DLGAP2: variants seen among roughly 807,000 people sequenced by gnomAD.
DLGAP2 encodes disks large-associated protein 2.
DLGAP2 carries 26 observed loss-of-function variants against 100.3 expected under a neutral mutation model. The ratio of observed to expected loss-of-function variants is 0.26; its 90% CI spans 0.19 to 0.36. The LOEUF (loss-of-function observed/expected upper bound fraction) is 0.36, where lower values mean the gene tolerates loss of function less well. DLGAP2 is among the 10% of genes least tolerant of loss of function. The pLI is 1.00. For synonymous variants in DLGAP2, 886 were observed against 630.1 expected, an observed-to-expected ratio of 1.41 and a Z score of -6.08; for missense variants, 1,858 against 1,453.2, an observed-to-expected ratio of 1.28 and a Z score of -4.53.
rs147860135 is a variant in DLGAP2, at chr8:926,295, C to T, written c.73+18329C>T. On this transcript the variant is annotated intron_variant, in intron 2 of 14. Coordinates refer to ENST00000637795, the MANE Select transcript of DLGAP2 (RefSeq NM_001346810.2). Reference sequence around the variant, plus strand: ...CTGGCCAGGCCTAAGCCTGCTGGCCCTGCTTTCCCGTTCTTCCTTCCCAGA... The same window carrying T: ...CTGGCCAGGCCTAAGCCTGCTGGCCTTGCTTTCCCGTTCTTCCTTCCCAGA... Among the ~76,000 whole-genome samples the T allele has an allele frequency of 8.5e-5, 13 of 152,320 alleles. No homozygotes were observed. The East Asian group carries it at 2.3e-3, about 27-fold the overall frequency.
chr8:807,296 C>T (rs1796288904), intron 1 of DLGAP2, among the ~76,000 whole-genome samples: 1 of 124,670 alleles, frequency 8.0e-6, no homozygotes, highest in South Asian at 3.1e-4. Flanking sequence ...TTCATACGTT[C>T]TCTCTCCTCT....
At chr8:1,078,910 G>T (rs945834173) in intron 2 of DLGAP2, among the ~76,000 whole-genome samples, 1 of 152,170 alleles carries the variant, frequency 6.6e-6, no homozygotes, top group Non-Finnish European at 1.5e-5. Context: ...ACTCATCCAG[G>T]TAAATAGCAA....
intron 5 of DLGAP2, among the ~76,000 whole-genome samples, chr8:1,564,625 G>T (rs1353425791): frequency 6.6e-6 from 1 of 152,224 alleles, no homozygotes; most frequent in East Asian, 1.9e-4. Flanking sequence ...CCAGGCAGAT[G>T]TATAACATGC....
chr8:1,094,704 C>T (rs764196786), intron 2 of DLGAP2, among the ~76,000 whole-genome samples: 20 of 152,244 alleles, frequency 1.3e-4, no homozygotes, highest in African/African-American at 4.8e-4. Flanking sequence ...GCAGCGGGCA[C>T]AAGAGTGGCT....
intron 10 of DLGAP2, among the ~76,000 whole-genome samples, chr8:1,671,824 G>C (rs1321531689): frequency 6.6e-6 from 1 of 152,192 alleles, no homozygotes; most frequent in East Asian, 1.9e-4. Context: ...CACAGCTCCA[G>C]ATTTGCAGGC....
chr8:1,424,655 G>C (rs569363614), intron 3 of DLGAP2, among the ~76,000 whole-genome samples: 48 of 152,124 alleles, frequency 3.2e-4, no homozygotes, highest in African/African-American at 1.1e-3. Context: ...GGACAAGGAT[G>C]GTGTGATCCC....
chr8:1,298,936 C>T (rs933827145), intron 3 of DLGAP2, among the ~76,000 whole-genome samples: 1 of 151,964 alleles, frequency 6.6e-6, no homozygotes, highest in Admixed American at 6.6e-5. Flanking sequence ...TTCCCAGGGC[C>T]AGGGTCGAGC....
intron 13 of DLGAP2, among the ~76,000 whole-genome samples, chr8:1,694,332 C>T (rs1479163718): frequency 6.6e-6 from 1 of 152,116 alleles, no homozygotes; most frequent in Non-Finnish European, 1.5e-5. Flanking sequence ...AAAGTAGCAC[C>T]GCTGTCTGCT....
At chr8:1,463,872 C>A (rs1382699385) in intron 3 of DLGAP2, among the ~76,000 whole-genome samples, 1 of 152,210 alleles carries the variant, frequency 6.6e-6, no homozygotes, top group East Asian at 1.9e-4. Flanking sequence ...GGTTTTCTTT[C>A]CATCTTGTGA....
At chr8:1,042,012 C>A (rs1802369017) in intron 2 of DLGAP2, among the ~76,000 whole-genome samples, 1 of 152,176 alleles carries the variant, frequency 6.6e-6, no homozygotes, top group South Asian at 2.1e-4. Context: ...ATTCTGTGTC[C>A]CCTAGATGGA....
At chr8:777,756 C>T (rs899783485) in intron 1 of DLGAP2, among the ~76,000 whole-genome samples, 3 of 152,022 alleles carry the variant, frequency 2.0e-5, no homozygotes, top group Non-Finnish European at 2.9e-5. Context: ...GAGGGTAACC[C>T]GACCTTTCTC....
chr8:1,627,244 G>T (rs944355882), intron 7 of DLGAP2, among the ~76,000 whole-genome samples: 1 of 152,228 alleles, frequency 6.6e-6, no homozygotes, highest in Admixed American at 6.5e-5. Context: ...TGGCAGCATG[G>T]CTCTCAGCTC....
intron 2 of DLGAP2, among the ~76,000 whole-genome samples, chr8:1,239,976 G>A (rs1322730312): frequency 2.2e-3 from 281 of 125,076 alleles, no homozygotes; most frequent in Non-Finnish European, 3.0e-3. Context: ...CACACATAGC[G>A]TCTTGTCTAG....
chr8:758,431 A>T (rs1413732491), intron 1 of DLGAP2, among the ~76,000 whole-genome samples: 2 of 152,186 alleles, frequency 1.3e-5, no homozygotes, highest in African/African-American at 4.8e-5. Context: ...AATAAAAGTA[A>T]CATTTGCGTA....
intron 2 of DLGAP2, among the ~76,000 whole-genome samples, chr8:1,087,240 A>G: frequency 6.6e-6 from 1 of 152,220 alleles, no homozygotes; most frequent in East Asian, 1.9e-4. Context: ...TTTTAAGAGG[A>G]AAGTTTAGCA....
intron 3 of DLGAP2, among the ~76,000 whole-genome samples, chr8:1,494,364 T>C (rs1799484258): frequency 6.6e-6 from 1 of 152,236 alleles, no homozygotes; most frequent in South Asian, 2.1e-4. Flanking sequence ...AACCTGTCAA[T>C]TTAAAGTGTG....
intron 2 of DLGAP2, among the ~76,000 whole-genome samples, chr8:1,093,506 C>T (rs981750729): frequency 1.3e-5 from 2 of 151,898 alleles, no homozygotes; most frequent in African/African-American, 4.8e-5. Flanking sequence ...GAAACACCTT[C>T]ACACCAACAG....
intron 1 of DLGAP2, among the ~76,000 whole-genome samples, chr8:849,282 G>A (rs1221007583): frequency 6.6e-6 from 1 of 152,168 alleles, no homozygotes; most frequent in Non-Finnish European, 1.5e-5. Flanking sequence ...CACAGAGTCT[G>A]TTCCAGTATA....
At chr8:1,513,787 C>T (rs546827239) in intron 4 of DLGAP2, among the ~76,000 whole-genome samples, 10 of 152,294 alleles carry the variant, frequency 6.6e-5, no homozygotes, top group Admixed American at 3.3e-4. Flanking sequence ...GCACCCTTCC[C>T]CCAGTTTCAC....
Sources: gnomAD v4.1 joint callset for allele counts (sites outside exome capture counted in the v4.1 genomes callset) on GRCh38, gnomAD v4.1.1 for gene constraint, MANE v1.5 for transcripts, NCBI Gene and HGNC (gene_info 2026-07-23, HGNC 2026-07-21) for gene names.